NAP1L1: variants seen among roughly 807,000 people sequenced by gnomAD.
NAP1L1 encodes the protein nucleosome assembly protein 1 like 1, also known as nucleosome assembly protein 1-like 1.
A neutral mutation model predicts 58.9 loss-of-function variants in NAP1L1; 9 were observed. That is an observed-to-expected ratio of 0.15 (90% CI 0.09 to 0.27). NAP1L1 has a LOEUF of 0.27. NAP1L1 is among the 10% of genes least tolerant of loss of function. NAP1L1 has a pLI of 1.00. For synonymous variants in NAP1L1, 130 were observed against 138.3 expected (o/e 0.94, Z 0.42); for missense variants, 302 against 458.8 (o/e 0.66, Z 3.12).
rs769274420 is a variant in NAP1L1 at position 76,053,115 on chromosome 12, A to G, written c.917-5T>C. On this transcript the variant is annotated splice_polypyrimidine_tract_variant and splice_region_variant and intron_variant, in intron 10 of 14. Coordinates refer to ENST00000618691, the MANE Select transcript of NAP1L1 (RefSeq NM_004537.7). ...CCAGATCTCCACTCTCAGGAACTGC[A>G]AAATTGAGAAAAGAAATTACAATGA... 41 of 1,612,124 alleles carry G rather than the reference A, an allele frequency of 2.5e-5. No homozygotes were observed. Among genetic ancestry groups the G allele is most frequent in the Admixed American group, 3.3e-5 (2 of 59,832 alleles).
At chr12:76,057,880 G>T in intron 6 of NAP1L1, 3 of 1,421,026 alleles carry the variant, frequency 2.1e-6, no homozygotes, top group Non-Finnish European at 2.9e-6. Context: ...TACCACAAAA[G>T]GTTACTATAG....
chr12:76,059,538 TG>T (rs1949304066), intron 6 of NAP1L1: 1 of 362,508 alleles, frequency 2.8e-6, no homozygotes, highest in Non-Finnish European at 4.9e-6. Flanking sequence ...ATAAGACTTG[TG>T]GTGTTTTAAA....
chr12:76,057,830 G>C, intron 6 of NAP1L1: 1 of 1,536,520 alleles, frequency 6.5e-7, no homozygotes, highest in Admixed American at 2.0e-5. Flanking sequence ...AAACAGAAGA[G>C]AGGTGGAAGG....
At chr12:76,048,960 C>T (rs1210392428) in intron 14 of NAP1L1, 1 of 526,572 alleles carries the variant, frequency 1.9e-6, no homozygotes, top group Admixed American at 3.5e-5. Context: ...TCCTAGGGTT[C>T]ACTGTACCTG....
Position 76,038,062 on chromosome 12 carries a change from G to C in NAP1L1, c.*10367C>G, listed in dbSNP as rs557338632. ...GACAAACGAAAATATGGAACTGGATGAAATGGAGCAGAGAGGAAGGTAATC... is the reference window on the plus strand; with the variant it reads ...GACAAACGAAAATATGGAACTGGATCAAATGGAGCAGAGAGGAAGGTAATC... On this transcript the variant is annotated 3_prime_UTR_variant, in exon 15 of 15. Transcript: ENST00000618691. The C allele has an allele frequency of 5.3e-5, 8 of 152,322 alleles. No individual in the cohort carries two copies. Among genetic ancestry groups the C allele is most frequent in the African/African-American group, 1.9e-4 (8 of 41,574 alleles). 9.4% of individuals were successfully genotyped at this position (152,322 alleles called of 1,614,324 possible). A position where few individuals can be genotyped will look rare whatever the true frequency, so the allele number is the denominator to read the frequency against.
intron 1 of NAP1L1, among the ~76,000 whole-genome samples, chr12:76,076,553 T>G (rs1293588103): frequency 4.2e-3 from 23 of 5,524 alleles, no homozygotes; most frequent in Admixed American, 0.039. Flanking sequence ...TATGGAAATA[T>G]ATATATATAT....
At chr12:76,061,640 A>G (rs535451539) in intron 4 of NAP1L1, among the ~76,000 whole-genome samples, 1 of 152,202 alleles carries the variant, frequency 6.6e-6, no homozygotes. Context: ...CTCTAACAAT[A>G]AATGTTCACA....
chr12:76,070,419 G>A (rs914083450), intron 2 of NAP1L1, among the ~76,000 whole-genome samples: 8 of 152,150 alleles, frequency 5.3e-5, no homozygotes, highest in African/African-American at 1.9e-4. Context: ...ATTTCTGGAA[G>A]AACTTTGATT....
chr12:76,056,300 G>T, intron 6 of NAP1L1, 139 bp from the exon 7 acceptor site: 1 of 821,014 alleles, frequency 1.2e-6, no homozygotes, highest in Non-Finnish European at 1.8e-6. Context: ...CACCGCCGTT[G>T]CCCATAACAA....
At chr12:76,057,667 T>C (rs1416424156) in intron 6 of NAP1L1, 1 of 1,455,236 alleles carries the variant, frequency 6.9e-7, no homozygotes, top group Admixed American at 1.9e-5. Context: ...AATAGAGTAC[T>C]GTGAATATAT....
chr12:76,049,824 AAC>A (rs746933217), intron 12 of NAP1L1, 39 bp from the exon 13 acceptor site: 31 of 1,607,590 alleles, frequency 1.9e-5, no homozygotes, highest in Non-Finnish European at 2.6e-5. Context: ...GAGTGAATGT[AAC>A]ACACATTTCA....
chr12:76,084,399 C>T (rs911296314), intron 1 of NAP1L1, among the ~76,000 whole-genome samples, 168 bp downstream of exon 1: 13 of 152,112 alleles, frequency 8.5e-5, no homozygotes. Context: ...CTCCGGGGTC[C>T]GGACTCCGCG....
In NAP1L1 at chr12:76,036,705, G is replaced by C. The variant is rs1425085289; in HGVS notation, c.*11724C>G. 6.6e-6 allele frequency: 1 copy of C among 152,144 alleles called. No individual in the cohort carries two copies. The highest frequency in any genetic ancestry group is 1.9e-4 in the East Asian group (1 of 5,200). The allele number at this position is 152,144 out of a possible 1,614,324, so 9.4% of individuals were successfully genotyped here. On this transcript the variant is annotated 3_prime_UTR_variant, in exon 15 of 15. Transcript: ENST00000618691. ...TTATTAAAGATTTGGATAGACCAAAGGTCAAACATCTTTCAAGAAAAAGTT... is the reference window on the plus strand; with the variant it reads ...TTATTAAAGATTTGGATAGACCAAACGTCAAACATCTTTCAAGAAAAAGTT...
chr12:76,037,352 G>C lies in NAP1L1; in HGVS notation c.*11077C>G, dbSNP rs1484508069. ...AAGTGCTTTATAATGAGTGCTTAGC[G>C]CTTTTTTTTAACTGTAGTACAAACA... On this transcript the variant is annotated 3_prime_UTR_variant, in exon 15 of 15. Coordinates refer to ENST00000618691, the MANE Select transcript of NAP1L1 (RefSeq NM_004537.7). 1 of 152,236 alleles carries C rather than the reference G, an allele frequency of 6.6e-6. No homozygotes were observed. Among genetic ancestry groups the C allele is most frequent in the Non-Finnish European group, 1.5e-5 (1 of 68,042 alleles). The allele number at this position is 152,236 out of a possible 1,614,324, so 9.4% of individuals were successfully genotyped here. A position where few individuals can be genotyped will look rare whatever the true frequency, so the allele number is the denominator to read the frequency against.
chr12:76,055,964 G>A, intron 7 of NAP1L1, 69 bp downstream of exon 7: 1 of 1,492,216 alleles, frequency 6.7e-7, no homozygotes, highest in Non-Finnish European at 9.3e-7. Context: ...AGAGAACAGT[G>A]ATCACAGCCA....
At chr12:76,081,176 T>C (rs1028850938) in intron 1 of NAP1L1, among the ~76,000 whole-genome samples, 1 of 152,194 alleles carries the variant, frequency 6.6e-6, no homozygotes, top group African/African-American at 2.4e-5. Flanking sequence ...TAAGTCAACA[T>C]TCTTTCAAAA....
intron 4 of NAP1L1, among the ~76,000 whole-genome samples, chr12:76,062,869 T>C (rs1949481998): frequency 6.6e-6 from 1 of 152,120 alleles, no homozygotes; most frequent in Admixed American, 6.5e-5. Context: ...ATGAGATTTA[T>C]GAATATCACA....
chr12:76,037,660 T>G lies in NAP1L1; in HGVS notation c.*10769A>C, dbSNP rs1202944129. 2 of 152,222 alleles carry G rather than the reference T, an allele frequency of 1.3e-5. No individual in the cohort carries two copies. Among genetic ancestry groups the G allele is most frequent in the Admixed American group, 1.3e-4 (2 of 15,284 alleles). 9.4% of individuals were successfully genotyped at this position (152,222 alleles called of 1,614,324 possible). A position where few individuals can be genotyped will look rare whatever the true frequency, so the allele number is the denominator to read the frequency against. Reference sequence around the variant, plus strand: ...ACCTTGAGCGAGTGCCAGTCATACATCTCCTTGTCCTCGCAGCCTCCAATT... The same window carrying G: ...ACCTTGAGCGAGTGCCAGTCATACAGCTCCTTGTCCTCGCAGCCTCCAATT... On this transcript the variant is annotated 3_prime_UTR_variant, in exon 15 of 15. Transcript: ENST00000618691.
In NAP1L1 at chr12:76,037,853, C is replaced by T. The variant is rs1384328524; in HGVS notation, c.*10576G>A. 4 of 152,148 alleles carry T rather than the reference C, an allele frequency of 2.6e-5. No homozygotes were observed. The highest frequency in any genetic ancestry group is 1.3e-4 in the Admixed American group (2 of 15,268). The allele number at this position is 152,148 out of a possible 1,614,324, so 9.4% of individuals were successfully genotyped here. A position where few individuals can be genotyped will look rare whatever the true frequency, so the allele number is the denominator to read the frequency against. On this transcript the variant is annotated 3_prime_UTR_variant, in exon 15 of 15. Coordinates refer to ENST00000618691, the MANE Select transcript of NAP1L1 (RefSeq NM_004537.7). ...ATCCAAGATCCTGGATGAGTGTTTTCGCCATTGTACCTAACGGAGAGCTGA... is the reference window on the plus strand; with the variant it reads ...ATCCAAGATCCTGGATGAGTGTTTTTGCCATTGTACCTAACGGAGAGCTGA...
Sources: gnomAD v4.1 joint callset for allele counts (sites outside exome capture counted in the v4.1 genomes callset) on GRCh38, gnomAD v4.1.1 for gene constraint, MANE v1.5 for transcripts, NCBI Gene and HGNC (gene_info 2026-07-23, HGNC 2026-07-21) for gene names.